CHRM3: variants seen among roughly 807,000 people sequenced by gnomAD.
CHRM3 encodes cholinergic receptor muscarinic 3, also known as muscarinic acetylcholine receptor M3.
In CHRM3, 11 loss-of-function variants were observed where a neutral mutation model predicts 41.8. The observed-to-expected ratio is 0.26, with a 90% CI of 0.17 to 0.44. The LOEUF (loss-of-function observed/expected upper bound fraction) is 0.44, where lower values mean the gene tolerates loss of function less well. Among genes scored for constraint, CHRM3 ranks in the 20% least tolerant of loss-of-function variants. CHRM3 has a pLI of 1.00. For missense variants in CHRM3, 571 were observed against 745.4 expected, an observed-to-expected ratio of 0.77 and a Z score of 2.72; for synonymous variants, 297 against 301.4, an observed-to-expected ratio of 0.99 and a Z score of 0.15.
At chr1:239,522,292 G>T (rs1237883462) in intron 2 of CHRM3, among the ~76,000 whole-genome samples, 5 of 152,174 alleles carry the variant, frequency 3.3e-5, no homozygotes, top group Admixed American at 6.5e-5. Context: ...GAGTGAGAGG[G>T]TCACATGGAG....
chr1:239,656,038 A>C (rs1672680395), intron 4 of CHRM3, among the ~76,000 whole-genome samples: 1 of 152,182 alleles, frequency 6.6e-6, no homozygotes, highest in Non-Finnish European at 1.5e-5. Context: ...TCCTAAGTGA[A>C]TTAATGCAGA....
intron 5 of CHRM3, chr1:239,703,942 A>G (rs1660911068): frequency 6.6e-6 from 1 of 152,192 alleles, no homozygotes; most frequent in African/African-American, 2.4e-5. Flanking sequence ...AGAACATCTC[A>G]TTTTTATGTC....
intron 3 of CHRM3, among the ~76,000 whole-genome samples, chr1:239,620,210 CAG>C (rs1317887322): frequency 1.3e-5 from 2 of 152,128 alleles, no homozygotes; most frequent in Non-Finnish European, 2.9e-5. Flanking sequence ...CTCAATATGA[CAG>C]AGTCTTTTAA....
chr1:239,809,365 G>A lies in CHRM3; in HGVS notation c.-146-17887G>A, dbSNP rs187735453. On this transcript the variant is annotated intron_variant, in intron 5 of 6. Coordinates refer to ENST00000676153, the MANE Select transcript of CHRM3 (RefSeq NM_001375978.1). ...CAAAGGCCTTAGAAGGTCAACTTCT[G>A]AACCCATAAGATTCCAGCAGTGAAC... 4.0e-3 allele frequency among the ~76,000 whole-genome samples: 605 copies of A among 152,152 alleles called. 6 individuals are homozygous for A. Among genetic ancestry groups the A allele is most frequent in the Non-Finnish European group, 4.9e-3 (333 of 68,002 alleles).
At chr1:239,889,299 G>C (rs1432573140) in intron 6 of CHRM3, among the ~76,000 whole-genome samples, 1 of 152,148 alleles carries the variant, frequency 6.6e-6, no homozygotes, top group Non-Finnish European at 1.5e-5. Context: ...TATTTGCATA[G>C]GGGTCAATTT....
chr1:239,448,213 A>C (rs1319231197), intron 1 of CHRM3, among the ~76,000 whole-genome samples: 1 of 152,240 alleles, frequency 6.6e-6, no homozygotes, highest in Non-Finnish European at 1.5e-5. Context: ...GGCAACATTA[A>C]TAGTAAGCAA....
chr1:239,797,192 G>T (rs1338406483), intron 5 of CHRM3, among the ~76,000 whole-genome samples: 1 of 152,054 alleles, frequency 6.6e-6, no homozygotes, highest in Non-Finnish European at 1.5e-5. Flanking sequence ...AGACACTGAG[G>T]ATTCCAAAAA....
chr1:239,701,151 T>G (rs1450282070), intron 5 of CHRM3, among the ~76,000 whole-genome samples: 1 of 152,220 alleles, frequency 6.6e-6, no homozygotes. Flanking sequence ...CTCTTTTACT[T>G]GTGCAGTTAA....
chr1:239,750,164 A>G lies in CHRM3; in HGVS notation c.-147+71876A>G. Among the ~76,000 whole-genome samples, 2 of 152,174 alleles carry G rather than the reference A, an allele frequency of 1.3e-5. 1 individual carries two copies. Among genetic ancestry groups the G allele is most frequent in the Non-Finnish European group, 2.9e-5 (2 of 68,034 alleles). On this transcript the variant is annotated intron_variant, in intron 5 of 6. Coordinates refer to ENST00000676153, the MANE Select transcript of CHRM3 (RefSeq NM_001375978.1). ...TACATACTTTCATCATTGCACTTGT[A>G]ACTCAGCAGTAGAGCTTTCCATGTA...
intron 1 of CHRM3, among the ~76,000 whole-genome samples, chr1:239,404,436 AAG>A (rs536525319): frequency 5.9e-5 from 7 of 119,654 alleles, no homozygotes; most frequent in Admixed American, 1.6e-4. Context: ...GAAAGAAAGA[AAG>A]AAAGAAAGAA....
chr1:239,859,775 G>A (rs1365773447), intron 6 of CHRM3, among the ~76,000 whole-genome samples: 3 of 146,414 alleles, frequency 2.0e-5, no homozygotes, highest in South Asian at 2.1e-4. Context: ...AGTGCATGCC[G>A]TATATCAGGC....
At chr1:239,804,521 T>C (rs1670474634) in intron 5 of CHRM3, among the ~76,000 whole-genome samples, 1 of 152,188 alleles carries the variant, frequency 6.6e-6, no homozygotes, top group Non-Finnish European at 1.5e-5. Flanking sequence ...CTTATTACTG[T>C]TGCCAGTGAC....
intron 4 of CHRM3, among the ~76,000 whole-genome samples, chr1:239,654,406 G>A (rs963845521): frequency 1.3e-5 from 2 of 152,108 alleles, no homozygotes; most frequent in African/African-American, 4.8e-5. Flanking sequence ...ATACTGTTTT[G>A]TTTTGCTTTT....
intron 3 of CHRM3, among the ~76,000 whole-genome samples, chr1:239,580,694 T>G (rs1482867510): frequency 7.6e-6 from 1 of 131,128 alleles, no homozygotes. Context: ...CAATTTTATA[T>G]ATATATATAT....
At chr1:239,873,501 C>T (rs1049565933) in intron 6 of CHRM3, among the ~76,000 whole-genome samples, 1 of 151,776 alleles carries the variant, frequency 6.6e-6, no homozygotes, top group African/African-American at 2.4e-5. Flanking sequence ...TAGCCACCCA[C>T]CCCCTGACAG....
chr1:239,800,846 A>T lies in CHRM3; in HGVS notation c.-146-26406A>T, dbSNP rs186230434. Among the ~76,000 whole-genome samples the T allele has an allele frequency of 1.8e-3, 279 of 152,378 alleles. 1 individual carries two copies. Among genetic ancestry groups the T allele is most frequent in the African/African-American group, 6.3e-3 (262 of 41,592 alleles). ...TTATGAGGCAGAATACATTTGATTA[A>T]AAAATGTGAGAAAAATATAAACTAT... On this transcript the variant is annotated intron_variant, in intron 5 of 6. Coordinates refer to ENST00000676153, the MANE Select transcript of CHRM3 (RefSeq NM_001375978.1).
chr1:239,489,532 C>G (rs1667423548), intron 1 of CHRM3, among the ~76,000 whole-genome samples: 1 of 152,094 alleles, frequency 6.6e-6, no homozygotes. Context: ...GTTTCAATAC[C>G]TATCTTGTGG....
Position 239,910,009 on chromosome 1 carries a change from T to C in CHRM3, c.*785T>C, listed in dbSNP as rs1345664441. 2 of 167,040 alleles carry C rather than the reference T, an allele frequency of 1.2e-5. No homozygotes were observed. Among genetic ancestry groups the C allele is most frequent in the African/African-American group, 4.8e-5 (2 of 41,446 alleles). The allele number at this position is 167,040 out of a possible 1,614,324, so 10.3% of individuals were successfully genotyped here. A position where few individuals can be genotyped will look rare whatever the true frequency, so the allele number is the denominator to read the frequency against. On this transcript the variant is annotated 3_prime_UTR_variant, in exon 7 of 7. Coordinates refer to ENST00000676153, the MANE Select transcript of CHRM3 (RefSeq NM_001375978.1). ...GTGAAATAAGCCCAGTGTAATGTTT[T>C]TGAAACCAGGGCTGTTTTCCACAGA...
chr1:239,568,609 A>T (rs1051199581), intron 3 of CHRM3, among the ~76,000 whole-genome samples: 2 of 151,954 alleles, frequency 1.3e-5, no homozygotes, highest in Non-Finnish European at 2.9e-5. Flanking sequence ...CTACCTTCCC[A>T]TCCCAGGGAC....
Sources: gnomAD v4.1 joint callset for allele counts (sites outside exome capture counted in the v4.1 genomes callset) on GRCh38, gnomAD v4.1.1 for gene constraint, MANE v1.5 for transcripts, NCBI Gene and HGNC (gene_info 2026-07-23, HGNC 2026-07-21) for gene names.